The following GALNTL6 variants were observed in gnomAD, a reference collection of about 807,000 sequenced individuals.
GALNTL6 encodes polypeptide N-acetylgalactosaminyltransferase-like 6.
In GALNTL6, 46 loss-of-function variants were observed where a neutral mutation model predicts 73.7. The ratio of observed to expected loss-of-function variants is 0.62; its 90% confidence interval spans 0.49 to 0.80. The LOEUF (loss-of-function observed/expected upper bound fraction) is 0.80. GALNTL6 is among the 30% of genes least tolerant of loss of function. The pLI is 0.00. For missense variants in GALNTL6, 604 were observed against 755.0 expected, an observed-to-expected ratio of 0.80 and a Z score of 2.34; for synonymous variants, 259 against 263.7, an observed-to-expected ratio of 0.98 and a Z score of 0.17.
At chr4:171,996,123 T>G (rs1175992038) in intron 2 of GALNTL6, among the ~76,000 whole-genome samples, 2 of 152,144 alleles carry the variant, frequency 1.3e-5, no homozygotes, top group Non-Finnish European at 2.9e-5. Flanking sequence ...ATCCGTACAC[T>G]TAACATTAAG....
intron 5 of GALNTL6, among the ~76,000 whole-genome samples, chr4:172,714,805 A>C (rs1046298340): frequency 5.3e-5 from 8 of 151,994 alleles, no homozygotes; most frequent in Non-Finnish European, 1.2e-4. Flanking sequence ...GGTGAGCGTA[A>C]GGGCTATGCC....
intron 3 of GALNTL6, among the ~76,000 whole-genome samples, chr4:172,233,365 TAAATAAA>T (rs1737139569): frequency 6.6e-6 from 1 of 151,754 alleles, no homozygotes; most frequent in Non-Finnish European, 1.5e-5. Context: ...AATAAATAAA[TAAATAAA>T]TAAATAAATA....
chr4:172,779,530 C>T (rs1560947218), intron 5 of GALNTL6, among the ~76,000 whole-genome samples: 1 of 152,120 alleles, frequency 6.6e-6, no homozygotes, highest in Admixed American at 6.5e-5. Flanking sequence ...GATCTCTGAG[C>T]TCAATATTAT....
chr4:172,381,056 C>T (rs1323080442), intron 5 of GALNTL6, among the ~76,000 whole-genome samples: 2 of 152,162 alleles, frequency 1.3e-5, no homozygotes, highest in African/African-American at 2.4e-5. Flanking sequence ...TTATGAATTC[C>T]TGCAATTTGC....
intron 2 of GALNTL6, among the ~76,000 whole-genome samples, chr4:172,169,282 A>G (rs867055812): frequency 6.6e-6 from 1 of 152,212 alleles, no homozygotes; most frequent in Admixed American, 6.5e-5. Context: ...GTTACCAGAG[A>G]TATTCAACCA....
At chr4:171,962,063 A>T (rs899134092) in intron 2 of GALNTL6, among the ~76,000 whole-genome samples, 47 of 152,208 alleles carry the variant, frequency 3.1e-4, no homozygotes, top group African/African-American at 1.1e-3. Flanking sequence ...TGACATACCC[A>T]TGCTTTCTGA....
intron 3 of GALNTL6, among the ~76,000 whole-genome samples, chr4:172,287,082 A>G (rs539879640): frequency 6.6e-6 from 1 of 152,340 alleles, no homozygotes; most frequent in African/African-American, 2.4e-5. Context: ...AAAGCCTTGC[A>G]GGGTGGAAAT....
chr4:172,970,249 T>G (rs1220909772), intron 10 of GALNTL6, among the ~76,000 whole-genome samples: 1 of 152,220 alleles, frequency 6.6e-6, no homozygotes, highest in African/African-American at 2.4e-5. Flanking sequence ...TGTATTGTCT[T>G]GATAAACATC....
chr4:172,829,284 C>T lies in GALNTL6; in HGVS notation c.923+15561C>T, dbSNP rs1425799415. On this transcript the variant is annotated intron_variant, in intron 7 of 12. Coordinates refer to ENST00000506823, the MANE Select transcript of GALNTL6 (RefSeq NM_001034845.3). ...CGTGTCTGCCTGTTCCTGGCTGGAA[C>T]TTCACACAGTGACTCCTCATGGTAC... Among the ~76,000 whole-genome samples, 6 of 152,318 alleles carry T rather than the reference C, an allele frequency of 3.9e-5. No homozygotes were observed. The East Asian group carries it at 9.6e-4, about 24-fold the overall frequency.
chr4:171,846,452 T>C (rs1011925907), intron 2 of GALNTL6, among the ~76,000 whole-genome samples: 10 of 152,146 alleles, frequency 6.6e-5, no homozygotes, highest in Non-Finnish European at 1.5e-4. Context: ...CAGTGCAGTG[T>C]AGGGCAAGAA....
intron 2 of GALNTL6, among the ~76,000 whole-genome samples, chr4:172,011,786 A>C (rs10029618): frequency 6.6e-6 from 1 of 151,808 alleles, no homozygotes; most frequent in Admixed American, 6.6e-5. Context: ...CCTTGAATAG[A>C]AATGTAAGAA....
chr4:172,388,938 A>G (rs1270570953), intron 5 of GALNTL6, among the ~76,000 whole-genome samples: 2 of 152,046 alleles, frequency 1.3e-5, no homozygotes, highest in Admixed American at 1.3e-4. Flanking sequence ...ATCTATATCT[A>G]TATCTATATT....
chr4:172,882,671 T>C, intron 7 of GALNTL6, 119 bp from the exon 8 acceptor site: 1 of 715,782 alleles, frequency 1.4e-6, no homozygotes, highest in Non-Finnish European at 2.5e-6. Flanking sequence ...AAACCAGTGC[T>C]GAAAAGTTCC....
At chr4:172,371,692 T>G (rs1466033015) in intron 5 of GALNTL6, among the ~76,000 whole-genome samples, 1 of 152,128 alleles carries the variant, frequency 6.6e-6, no homozygotes, top group African/African-American at 2.4e-5. Context: ...TTCCTCTCTC[T>G]CTCTCTCTTT....
At chr4:171,924,227 CAG>C (rs1165932793) in intron 2 of GALNTL6, among the ~76,000 whole-genome samples, 2 of 151,450 alleles carry the variant, frequency 1.3e-5, no homozygotes, top group African/African-American at 2.4e-5. Flanking sequence ...CACACACACA[CAG>C]AGTTTGTCCA....
At chr4:171,952,550 A>T (rs1050241120) in intron 2 of GALNTL6, among the ~76,000 whole-genome samples, 1 of 152,060 alleles carries the variant, frequency 6.6e-6, no homozygotes, top group South Asian at 2.1e-4. Flanking sequence ...TTTTTTAGGG[A>T]TGCTGTTTAA....
chr4:172,363,056 T>C (rs1332736826), intron 5 of GALNTL6, among the ~76,000 whole-genome samples: 5 of 152,168 alleles, frequency 3.3e-5, no homozygotes, highest in African/African-American at 7.2e-5. Context: ...CTTTTTCTTA[T>C]GCACAACATG....
At chr4:172,671,055 C>G (rs954664885) in intron 5 of GALNTL6, among the ~76,000 whole-genome samples, 2 of 152,006 alleles carry the variant, frequency 1.3e-5, no homozygotes, top group Non-Finnish European at 2.9e-5. Flanking sequence ...TACTGCAACC[C>G]TGTAGTATGG....
intron 3 of GALNTL6, among the ~76,000 whole-genome samples, chr4:172,255,007 T>G (rs920677321): frequency 3.3e-5 from 5 of 151,664 alleles, no homozygotes; most frequent in Admixed American, 3.3e-4. Flanking sequence ...ACAATAGAAA[T>G]GAATTTGTTC....
Sources: gnomAD v4.1 joint callset for allele counts (sites outside exome capture counted in the v4.1 genomes callset) on GRCh38, gnomAD v4.1.1 for gene constraint, MANE v1.5 for transcripts, NCBI Gene and HGNC (gene_info 2026-07-23, HGNC 2026-07-21) for gene names.